SHOX: variants seen among roughly 807,000 people sequenced by gnomAD.
The protein encoded by SHOX is SHOX homeobox.
SHOX carries 12 observed loss-of-function variants against 29.6 expected under a neutral mutation model. The observed-to-expected ratio is 0.41, with a 90% CI of 0.26 to 0.66. SHOX has a LOEUF of 0.66. SHOX is among the 30% of genes least tolerant of loss of function. The pLI is 0.35. For missense variants in SHOX, 499 were observed against 437.7 expected, an observed-to-expected ratio of 1.14 and a Z score of -1.25; for synonymous variants, 214 against 200.6, an observed-to-expected ratio of 1.07 and a Z score of -0.57.
At chrX:626,236 CTCTT>C (rs1185991477), upstream of SHOX, among the ~76,000 whole-genome samples, 1 of 150,500 alleles carries the variant, frequency 6.6e-6, no homozygotes, top group African/African-American at 2.5e-5. Context: ...ATCTCTGTCT[CTCTT>C]TCTCTCTCTC....
At chrX:633,976 C>G (rs868622534) in intron 1 of SHOX, among the ~76,000 whole-genome samples, 4 of 152,238 alleles carry the variant, frequency 2.6e-5, no homozygotes, top group Non-Finnish European at 4.4e-5. Context: ...TTGGCACACT[C>G]TGGTGGGGTA....
In SHOX at chrX:636,301, A is replaced by T. The variant is rs2052747759; in HGVS notation, c.486+1475A>T. ...ATATATAATATATAAATATATTAAC[A>T]TATATAAAATATGTATAAATATATA... is the stretch of plus-strand genomic sequence containing the variant. On this transcript the variant is annotated intron_variant, in intron 2 of 4. Coordinates refer to ENST00000686671, the MANE Select transcript of SHOX (RefSeq NM_000451.4). Among the ~76,000 whole-genome samples the T allele has an allele frequency of 2.1e-5, 3 of 144,148 alleles. No homozygotes were observed. In the South Asian group the frequency reaches 6.3e-4, roughly 30 times the overall value. The allele number at this position is 144,148 out of a possible 152,430, so 94.6% of individuals were successfully genotyped here.
At chrX:628,447 T>C (rs1450573182), upstream of SHOX, among the ~76,000 whole-genome samples, 4 of 99,186 alleles carry the variant, frequency 4.0e-5, no homozygotes, top group Non-Finnish European at 4.2e-5. Context: ...GTGTCTCTCT[T>C]TCTCTCTCTC....
chrX:656,574 G>T (rs1215656458), downstream of SHOX, among the ~76,000 whole-genome samples: 2 of 152,138 alleles, frequency 1.3e-5, no homozygotes, highest in African/African-American at 4.8e-5. Context: ...AGCTGTGGTG[G>T]CTCAAGCCTG....
At chrX:641,497 T>A (rs1042140546) in intron 4 of SHOX, among the ~76,000 whole-genome samples, 8 of 152,138 alleles carry the variant, frequency 5.3e-5, no homozygotes, top group African/African-American at 1.9e-4. Context: ...GAGACCAGCC[T>A]GACCAACATG....
Position 645,882 on chromosome X carries a change from C to T in SHOX, c.*1246C>T, listed in dbSNP as rs1333424711. ...TCCCCTACTCCATCTTCTGCGTTCC[C>T]CCAGTTCTTTTATTTCTTTGTTTTT... On this transcript the variant is annotated 3_prime_UTR_variant, in exon 5 of 5. Coordinates refer to ENST00000686671, the MANE Select transcript of SHOX (RefSeq NM_000451.4). 1 of 152,124 alleles carries T rather than the reference C, an allele frequency of 6.6e-6. No individual in the cohort carries two copies. Among genetic ancestry groups the T allele is most frequent in the Non-Finnish European group, 1.5e-5 (1 of 68,064 alleles). 9.4% of individuals were successfully genotyped at this position (152,124 alleles called of 1,614,324 possible). A position where few individuals can be genotyped will look rare whatever the true frequency, so the allele number is the denominator to read the frequency against.
intron 2 of SHOX, among the ~76,000 whole-genome samples, chrX:635,742 C>T (rs2052734164): frequency 1.3e-5 from 2 of 152,232 alleles, no homozygotes; most frequent in East Asian, 3.9e-4. Context: ...AGGGGTGCTG[C>T]TGGGAGAGCC....
chrX:626,493 CCTCT>C (rs1403503840), upstream of SHOX, among the ~76,000 whole-genome samples: 2 of 130,682 alleles, frequency 1.5e-5, no homozygotes, highest in Admixed American at 7.6e-5. Flanking sequence ...TTCTCTCTCT[CCTCT>C]CTCTCTGTCT....
intron 2 of SHOX, among the ~76,000 whole-genome samples, chrX:635,684 G>A (rs761797316): frequency 7.4e-4 from 113 of 152,342 alleles, no homozygotes; most frequent in African/African-American, 2.6e-3. Context: ...GGCGGGCAGA[G>A]CCTTCCTCCG....
intron 1 of SHOX, among the ~76,000 whole-genome samples, chrX:633,169 CAGGGGAG>C (rs1569493428): frequency 5.9e-5 from 9 of 152,004 alleles, no homozygotes; most frequent in Non-Finnish European, 1.3e-4. Context: ...GGTTGGAGGG[CAGGGGAG>C]AGTCTGAGGT....
At chrX:657,461 C>T (rs908889618) in intron 5 of SHOX, among the ~76,000 whole-genome samples, 8 of 152,148 alleles carry the variant, frequency 5.3e-5, no homozygotes, top group African/African-American at 1.9e-4. Context: ...TGAGAAAATG[C>T]TGCCCATCCT....
At chrX:635,597 G>C (rs1307959013) in intron 2 of SHOX, among the ~76,000 whole-genome samples, 2 of 152,236 alleles carry the variant, frequency 1.3e-5, no homozygotes, top group African/African-American at 4.8e-5. Flanking sequence ...GGCTCCCCGA[G>C]GAGCGCGCGA....
chrX:640,873 A>G lies in SHOX; in HGVS notation c.539A>G (p.His180Arg). Reference sequence around the variant, plus strand: ...TGCCGCAAACAAGAGAATCAGATGCATAAAGGTGGGTGTCGGGACTGGGGG... The same window carrying G: ...TGCCGCAAACAAGAGAATCAGATGCGTAAAGGTGGGTGTCGGGACTGGGGG... ...AKCRKQENQM[H>R]KGVILGTANH... Residue 180 changes from histidine to arginine, a missense_variant, in exon 3 of 5, where the codon CAT (histidine) becomes CGT (arginine). Physicochemically the swap from His to Arg is conservative, Grantham distance 29. Transcript: ENST00000686671. 6.2e-7 allele frequency: 1 copy of G among 1,613,928 alleles called. No individual in the cohort carries two copies. Among genetic ancestry groups the G allele is most frequent in the Non-Finnish European group, 8.5e-7 (1 of 1,179,874 alleles).
rs1456868880 is a variant in SHOX at position 646,582 on chromosome X, A to G, written c.*1946A>G. The G allele has an allele frequency of 2.0e-5, 3 of 151,936 alleles. No homozygotes were observed. The highest frequency in any genetic ancestry group is 4.8e-5 in the African/African-American group (2 of 41,362). The allele number at this position is 151,936 out of a possible 1,614,324, so 9.4% of individuals were successfully genotyped here. On this transcript the variant is annotated 3_prime_UTR_variant, in exon 5 of 5. Coordinates refer to ENST00000686671, the MANE Select transcript of SHOX (RefSeq NM_000451.4). ...TTTTTTCTTCCGCATAACACTTTCT[A>G]TCTTGTCACTGAGCTGAACTGTAGA...
intron 1 of SHOX, among the ~76,000 whole-genome samples, chrX:625,234 C>A (rs2052502512): frequency 6.9e-6 from 1 of 145,966 alleles, no homozygotes; most frequent in Non-Finnish European, 1.5e-5. Context: ...TCTCCCTCCT[C>A]CTCCTCCTTC....
Position 634,796 on chromosome X carries a change from G to GCGCC in SHOX, c.457_460dup (p.Leu154ProfsTer29). On this transcript the variant is annotated frameshift_variant, in exon 2 of 5. Coordinates refer to ENST00000686671, the MANE Select transcript of SHOX (RefSeq NM_000451.4). LOFTEE classifies it high-confidence loss of function. ...CCTTCATGCGCGAGGAGCTCAGCCA[G>GCGCC]CGCCTGGGGCTCTCCGAGGCGCGCG... 6.3e-7 allele frequency: 1 copy of GCGCC among 1,591,696 alleles called. No homozygotes were observed.
At chrX:624,882 CT>C in intron 1 of SHOX, among the ~76,000 whole-genome samples, 1 of 74,760 alleles carries the variant, frequency 1.3e-5, no homozygotes. Context: ...TTCTTTCTTT[CT>C]TTCTTTCTTT....
chrX:635,093 T>C (rs891772759), intron 2 of SHOX, among the ~76,000 whole-genome samples: 5 of 152,194 alleles, frequency 3.3e-5, no homozygotes, highest in East Asian at 3.9e-4. Context: ...ATATATGTTA[T>C]ACAGATGGGT....
intron 1 of SHOX, among the ~76,000 whole-genome samples, chrX:634,133 C>A (rs2052697011): frequency 6.6e-6 from 1 of 152,176 alleles, no homozygotes; most frequent in South Asian, 2.1e-4. Flanking sequence ...CCTAGCTCCG[C>A]CAGATCGCGG....
Sources: gnomAD v4.1 joint callset for allele counts (sites outside exome capture counted in the v4.1 genomes callset) on GRCh38, gnomAD v4.1.1 for gene constraint, MANE v1.5 for transcripts, NCBI Gene and HGNC (gene_info 2026-07-23, HGNC 2026-07-21) for gene names.